Variants in BRIP1 observed in about 807,000 individuals in gnomAD.
The protein encoded by BRIP1 is Fanconi anemia group J protein.
Under a neutral mutation model 119.7 loss-of-function variants are expected in BRIP1, and 88 were observed. The ratio of observed to expected loss-of-function variants is 0.74; its 90% confidence interval spans 0.62 to 0.88. The LOEUF is 0.88. Ranked by LOEUF, BRIP1 falls within the 40% of genes least tolerant of loss-of-function variation. The pLI is 0.00. For missense variants in BRIP1, 1,259 were observed against 1,455.4 expected (o/e 0.87, Z 2.20); for synonymous variants, 443 against 496.5 (o/e 0.89, Z 1.43).
chr17:61,837,266 T>C (rs2078589038), intron 6 of BRIP1, among the ~76,000 whole-genome samples: 1 of 152,010 alleles, frequency 6.6e-6, no homozygotes, highest in Non-Finnish European at 1.5e-5. Context: ...ATAGCTATTT[T>C]AAATAAAAGT....
Position 61,690,662 on chromosome 17 carries a change from A to C in BRIP1, c.2575+2768T>G, listed in dbSNP as rs547160699. 6.6e-6 allele frequency among the ~76,000 whole-genome samples: 1 copy of C among 152,216 alleles called. No homozygotes were observed. Among genetic ancestry groups the C allele is most frequent in the South Asian group, 2.1e-4 (1 of 4,834 alleles). On this transcript the variant is annotated intron_variant, in intron 18 of 19. Transcript: ENST00000259008. This position sits in a 1 kb window ranked among gnomAD's most constrained non-coding sequence, Gnocchi z 5.6. ...AAGGATGTTCATTCTCACTACTTCT[A>C]TTTAGCTTAGTACTAAGAATCCTAG... is the stretch of plus-strand genomic sequence containing the variant.
chr17:61,696,852 GCGGGCACCT>G (rs1308725090), intron 17 of BRIP1, among the ~76,000 whole-genome samples: 2 of 151,238 alleles, frequency 1.3e-5, no homozygotes, highest in Non-Finnish European at 2.9e-5. Flanking sequence ...GGGTGTGGTG[GCGGGCACCT>G]GTAGTCCCCA....
rs2078953603 is a variant in BRIP1 at position 61,860,026 on chromosome 17, A to G, written c.94-119T>C. On this transcript the variant is annotated intron_variant, in intron 2 of 19. Coordinates refer to ENST00000259008, the MANE Select transcript of BRIP1 (RefSeq NM_032043.3). This position sits in a 1 kb window ranked among gnomAD's most constrained non-coding sequence, Gnocchi z 4.1. The stretch of plus-strand genomic sequence containing the variant: ...GAGATTGCACTCCAGGGAACACAAC[A>G]ATAGCAGAAGGAACTCATATTTAGT... The G allele has an allele frequency of 9.8e-6, 7 of 711,122 alleles. No individual in the cohort carries two copies. Among genetic ancestry groups the G allele is most frequent in the Non-Finnish European group, 1.8e-5 (7 of 397,192 alleles). The allele number at this position is 711,122 out of a possible 1,614,324, so 44.1% of individuals were successfully genotyped here.
Position 61,683,085 on chromosome 17 carries a change from C to G in BRIP1, c.*211G>C. 1.8e-6 allele frequency: 1 copy of G among 548,782 alleles called. No individual in the cohort carries two copies. Among genetic ancestry groups the G allele is most frequent in the Non-Finnish European group, 3.1e-6 (1 of 317,522 alleles). The allele number at this position is 548,782 out of a possible 1,614,324, so 34.0% of individuals were successfully genotyped here. ...GGTGAAGGTTGCAGTGAGCCCAGAG[C>G]ACACCACTGCATTCCAGCCTGGGCA... On this transcript the variant is annotated 3_prime_UTR_variant, in exon 20 of 20. Coordinates refer to ENST00000259008, the MANE Select transcript of BRIP1 (RefSeq NM_032043.3). This position sits in a 1 kb window ranked among gnomAD's most constrained non-coding sequence, Gnocchi z 4.7.
rs2076956065 is a variant in BRIP1 at position 61,739,134 on chromosome 17, T to C, written c.2379+3879A>G. On this transcript the variant is annotated intron_variant, in intron 16 of 19. Coordinates refer to ENST00000259008, the MANE Select transcript of BRIP1 (RefSeq NM_032043.3). The surrounding 1 kb of genome is among the most constrained non-coding windows in gnomAD (Gnocchi z 6.0). ...GTCTAAAGAAGGGAAAAGGATTCTT[T>C]CCACTTTAACAAAGCAGCCTTAGTG... The C allele has an allele frequency of 2.2e-5, 4 of 178,618 alleles. No individual in the cohort carries two copies. The East Asian group carries it at 3.7e-4, about 17-fold the overall frequency. 11.1% of individuals were successfully genotyped at this position (178,618 alleles called of 1,614,324 possible).
At position 61,799,374 on chromosome 17, in the gene BRIP1, T is replaced by G. The variant is rs2077955997; in HGVS notation, c.1141-75A>C. 1.6e-6 allele frequency: 2 copies of G among 1,216,516 alleles called. No individual in the cohort carries two copies. Among genetic ancestry groups the G allele is most frequent in the Non-Finnish European group, 2.4e-6 (2 of 845,774 alleles). The allele number at this position is 1,216,516 out of a possible 1,614,324, so 75.4% of individuals were successfully genotyped here. A position where few individuals can be genotyped will look rare whatever the true frequency, so the allele number is the denominator to read the frequency against. On this transcript the variant is annotated intron_variant, in intron 8 of 19. Coordinates refer to ENST00000259008, the MANE Select transcript of BRIP1 (RefSeq NM_032043.3). The surrounding 1 kb of genome is among the most constrained non-coding windows in gnomAD (Gnocchi z 5.1). ...ACAACAGCAGGCAAGATATTTCATTTTAAAATTCACACTATAGGCCAATAT... is the reference window on the plus strand; with the variant it reads ...ACAACAGCAGGCAAGATATTTCATTGTAAAATTCACACTATAGGCCAATAT...
At chr17:61,829,954 C>T (rs1259308155) in intron 6 of BRIP1, among the ~76,000 whole-genome samples, 3 of 147,786 alleles carry the variant, frequency 2.0e-5, no homozygotes, top group Non-Finnish European at 4.5e-5. Flanking sequence ...TTTTTTGAGA[C>T]GGAGTTTCGC....
At position 61,708,948 on chromosome 17, in the gene BRIP1, GT is replaced by G. The variant is rs1202561312; in HGVS notation, c.2492+7002del. On this transcript the variant is annotated intron_variant, in intron 17 of 19. Coordinates refer to ENST00000259008, the MANE Select transcript of BRIP1 (RefSeq NM_032043.3). The surrounding 1 kb of genome is among the most constrained non-coding windows in gnomAD (Gnocchi z 4.4). ...CTCACATTCAGTATGTAAAATCCCC[GT>G]ATATAATATTAACCTCCATCTTTAA... is the stretch of plus-strand genomic sequence containing the variant. Among the ~76,000 whole-genome samples, 1 of 152,136 alleles carries G rather than the reference GT, an allele frequency of 6.6e-6. No individual in the cohort carries two copies. The highest frequency in any genetic ancestry group is 1.9e-4 in the East Asian group (1 of 5,204).
At position 61,853,354 on chromosome 17, in the gene BRIP1, G is replaced by A. The variant is rs1603364602; in HGVS notation, c.379+3704C>T. Among the ~76,000 whole-genome samples, 1 of 151,484 alleles carries A rather than the reference G, an allele frequency of 6.6e-6. No individual in the cohort carries two copies. The highest frequency in any genetic ancestry group is 2.4e-5 in the African/African-American group (1 of 41,284). ...GGACAGTGACTGAAAAAGAAGATGAGGAGGGCCTCTGGGGTGTTGGTAATG... is the reference window on the plus strand; with the variant it reads ...GGACAGTGACTGAAAAAGAAGATGAAGAGGGCCTCTGGGGTGTTGGTAATG... On this transcript the variant is annotated intron_variant, in intron 4 of 19. Transcript: ENST00000259008. The surrounding 1 kb of genome is among the most constrained non-coding windows in gnomAD (Gnocchi z 4.3).
Position 61,713,348 on chromosome 17 carries a change from C to G in BRIP1, c.2492+2603G>C, listed in dbSNP as rs945042374. On this transcript the variant is annotated intron_variant, in intron 17 of 19. Coordinates refer to ENST00000259008, the MANE Select transcript of BRIP1 (RefSeq NM_032043.3). This position sits in a 1 kb window ranked among gnomAD's most constrained non-coding sequence, Gnocchi z 4.9. The stretch of plus-strand genomic sequence containing the variant: ...ACTATAAAACAGCTTCAGGCAGATC[C>G]CTCAGGAAGAATTCCAGAAGAAGGC... Among the ~76,000 whole-genome samples the G allele has an allele frequency of 6.6e-6, 1 of 151,910 alleles. No individual in the cohort carries two copies. Among genetic ancestry groups the G allele is most frequent in the African/African-American group, 2.4e-5 (1 of 41,340 alleles).
intron 4 of BRIP1, among the ~76,000 whole-genome samples, chr17:61,849,609 C>T (rs2078787920): frequency 6.6e-6 from 1 of 152,076 alleles, no homozygotes. Flanking sequence ...ACGTTTCTTC[C>T]CTACTAAGTT....
rs577653436 is a variant in BRIP1, at chr17:61,810,441, A to C, written c.628-1684T>G. Among the ~76,000 whole-genome samples the C allele has an allele frequency of 1.3e-5, 2 of 152,340 alleles. No individual in the cohort carries two copies. The highest frequency in any genetic ancestry group is 3.9e-4 in the East Asian group (2 of 5,184). ...AATCAATTAACATACAAAAAGAATT[A>C]AGGTAACTCAATTAGAATTAATTTA... On this transcript the variant is annotated intron_variant, in intron 6 of 19. Transcript: ENST00000259008. The surrounding 1 kb of genome is among the most constrained non-coding windows in gnomAD (Gnocchi z 4.7).
intron 4 of BRIP1, among the ~76,000 whole-genome samples, chr17:61,854,789 T>G (rs191085377): frequency 6.8e-6 from 1 of 147,924 alleles, no homozygotes; most frequent in Admixed American, 6.7e-5. Flanking sequence ...CCAAGAGAAA[T>G]GAAAACATAC....
chr17:61,733,255 G>A (rs1182103222), intron 16 of BRIP1, among the ~76,000 whole-genome samples: 1 of 152,198 alleles, frequency 6.6e-6, no homozygotes, highest in Non-Finnish European at 1.5e-5. Flanking sequence ...AGGTGCAATT[G>A]GCGCGAGTCT....
At position 61,844,231 on chromosome 17, in the gene BRIP1, A is replaced by G. The variant is rs751958947; in HGVS notation, c.627+2870T>C. On this transcript the variant is annotated intron_variant, in intron 6 of 19. Transcript: ENST00000259008. The surrounding 1 kb of genome is among the most constrained non-coding windows in gnomAD (Gnocchi z 4.7). ...GGCATGAGCCATGATGCCTGGCCCA[A>G]TCTTTATTTAAAAATTAAGATCAGG... 6.6e-6 allele frequency among the ~76,000 whole-genome samples: 1 copy of G among 152,140 alleles called. No individual in the cohort carries two copies. Among genetic ancestry groups the G allele is most frequent in the Admixed American group, 6.5e-5 (1 of 15,270 alleles).
At position 61,802,101 on chromosome 17, in the gene BRIP1, T is replaced by G. The variant is rs911484429; in HGVS notation, c.919-627A>C. Reference sequence around the variant, plus strand: ...ACACAAAGAATGCACTAGAAACATTTTGGTGTATTTCATTTCATATTTCTT... The same window carrying G: ...ACACAAAGAATGCACTAGAAACATTGTGGTGTATTTCATTTCATATTTCTT... On this transcript the variant is annotated intron_variant, in intron 7 of 19. Transcript: ENST00000259008. This position sits in a 1 kb window ranked among gnomAD's most constrained non-coding sequence, Gnocchi z 6.0. Among the ~76,000 whole-genome samples, 3 of 152,186 alleles carry G rather than the reference T, an allele frequency of 2.0e-5. No individual in the cohort carries two copies. The highest frequency in any genetic ancestry group is 2.0e-4 in the Admixed American group (3 of 15,262).
rs2076970625 is a variant in BRIP1, at chr17:61,740,364, T to G, written c.2379+2649A>C. Among the ~76,000 whole-genome samples the G allele has an allele frequency of 6.6e-6, 1 of 152,168 alleles. No homozygotes were observed. Among genetic ancestry groups the G allele is most frequent in the African/African-American group, 2.4e-5 (1 of 41,450 alleles). On this transcript the variant is annotated intron_variant, in intron 16 of 19. Coordinates refer to ENST00000259008, the MANE Select transcript of BRIP1 (RefSeq NM_032043.3). This position sits in a 1 kb window ranked among gnomAD's most constrained non-coding sequence, Gnocchi z 5.4. ...TCCACAGTTTCTGATTTGGCAGGTC[T>G]GGATGAGCCTGAAAGTCTTTATTTC...
At chr17:61,835,891 A>C (rs2078565005) in intron 6 of BRIP1, among the ~76,000 whole-genome samples, 1 of 152,116 alleles carries the variant, frequency 6.6e-6, no homozygotes, top group Non-Finnish European at 1.5e-5. Context: ...CCCATAAACA[A>C]GAGAGTTAAA....
chr17:61,719,183 C>T (rs184008493), intron 16 of BRIP1, among the ~76,000 whole-genome samples: 3 of 148,626 alleles, frequency 2.0e-5, no homozygotes, highest in African/African-American at 7.4e-5. Flanking sequence ...ATTGCCCCCC[C>T]CCCATGTTTA....
Sources: gnomAD v4.1 joint callset for allele counts (sites outside exome capture counted in the v4.1 genomes callset) on GRCh38, gnomAD v4.1.1 for gene constraint, Gnocchi (gnomAD v3.1) non-coding constraint, MANE v1.5 for transcripts, NCBI Gene and HGNC (gene_info 2026-07-23, HGNC 2026-07-21) for gene names.